Variants in NPLOC4 observed in about 807,000 individuals in gnomAD.
NPLOC4 encodes nuclear protein localization protein 4 homolog.
A neutral mutation model predicts 80.6 loss-of-function variants in NPLOC4; 18 were observed. That is an observed-to-expected ratio of 0.22 (90% confidence interval 0.15 to 0.33). The LOEUF (loss-of-function observed/expected upper bound fraction) is 0.33. Ranked by LOEUF, NPLOC4 falls within the 10% of genes least tolerant of loss-of-function variation. The pLI is 1.00. For missense variants in NPLOC4, 540 were observed against 786.1 expected (o/e 0.69, Z 3.74); for synonymous variants, 313 against 301.5 (o/e 1.04, Z -0.39).
At chr17:81,591,853 T>G (rs1324372200) in intron 11 of NPLOC4, among the ~76,000 whole-genome samples, 1 of 152,202 alleles carries the variant, frequency 6.6e-6, no homozygotes, top group Non-Finnish European at 1.5e-5. Flanking sequence ...CTGAATGCAT[T>G]TCTGGTTTTT....
At chr17:81,559,497 A>G in intron 16 of NPLOC4, 81 bp from the exon 17 acceptor site, 2 of 1,459,820 alleles carry the variant, frequency 1.4e-6, no homozygotes, top group East Asian at 2.5e-5. Context: ...GGGCAGGGGC[A>G]GGCAGCTGAG....
At chr17:81,626,760 T>G (rs2035806191) in intron 2 of NPLOC4, among the ~76,000 whole-genome samples, 1 of 152,100 alleles carries the variant, frequency 6.6e-6, no homozygotes, top group Admixed American at 6.6e-5. Flanking sequence ...ACTTTGCCAG[T>G]GCACTCCAAC....
At chr17:81,563,835 T>C (rs2033924802) in intron 16 of NPLOC4, 5 of 434,448 alleles carry the variant, frequency 1.2e-5, no homozygotes, top group South Asian at 8.2e-5. Context: ...AAGGCCATTA[T>C]TCTAAGCAAA....
At position 81,559,028 on chromosome 17, in the gene NPLOC4, G is replaced by A. The variant is rs370512436; in HGVS notation, c.*231C>T. The A allele has an allele frequency of 3.4e-4, 181 of 531,244 alleles. No individual in the cohort carries two copies. The highest frequency in any genetic ancestry group is 3.6e-4 in the Non-Finnish European group (109 of 299,852). 32.9% of individuals were successfully genotyped at this position (531,244 alleles called of 1,614,324 possible). ...GATTAGGCGTGAGGAGCCGCTCTGC[G>A]TTTCCAGTCTGGAGACTGCATTCAG... On this transcript the variant is annotated 3_prime_UTR_variant, in exon 17 of 17. Coordinates refer to ENST00000331134, the MANE Select transcript of NPLOC4 (RefSeq NM_017921.4).
chr17:81,565,333 C>T (rs1469427191), intron 16 of NPLOC4, 172 bp downstream of exon 16: 1 of 710,078 alleles, frequency 1.4e-6, no homozygotes, highest in African/African-American at 1.7e-5. Context: ...CCGGAGCCTG[C>T]CACGTGCCTG....
chr17:81,616,119 C>A (rs570169688), intron 3 of NPLOC4, among the ~76,000 whole-genome samples: 1 of 151,280 alleles, frequency 6.6e-6, no homozygotes, highest in Non-Finnish European at 1.5e-5. Flanking sequence ...GAGATTGAGA[C>A]CATCCTGGCC....
intron 1 of NPLOC4, 137 bp from the exon 2 acceptor site, chr17:81,629,942 C>T (rs1183018146): frequency 1.6e-6 from 1 of 640,064 alleles, no homozygotes; most frequent in African/African-American, 1.8e-5. Context: ...CTTTCAATAC[C>T]CAGCTCAATC....
chr17:81,575,504 T>C (rs1373838661), intron 12 of NPLOC4, among the ~76,000 whole-genome samples: 2 of 152,204 alleles, frequency 1.3e-5, no homozygotes, highest in Admixed American at 6.5e-5. Flanking sequence ...GGGCCAGCTG[T>C]GTGCACAGAG....
chr17:81,594,252 G>A (rs1263017593), intron 11 of NPLOC4, among the ~76,000 whole-genome samples: 2 of 118,710 alleles, frequency 1.7e-5, no homozygotes, highest in Admixed American at 1.1e-4. Context: ...TCCAGCCTGG[G>A]CGAAAGAGCG....
chr17:81,637,064 G>T lies in NPLOC4; in HGVS notation c.-134C>A. ...CCGCCGCCACCGCCGCTCCAGCTTC[G>T]CCCGCCCGGCTCCGCCAGCCGCCGA... On this transcript the variant is annotated 5_prime_UTR_variant, in exon 1 of 17. Coordinates refer to ENST00000331134, the MANE Select transcript of NPLOC4 (RefSeq NM_017921.4). 4.6e-6 allele frequency: 2 copies of T among 432,084 alleles called. No homozygotes were observed. The highest frequency in any genetic ancestry group is 7.2e-6 in the Non-Finnish European group (2 of 278,220). 26.8% of individuals were successfully genotyped at this position (432,084 alleles called of 1,614,324 possible). A position where few individuals can be genotyped will look rare whatever the true frequency, so the allele number is the denominator to read the frequency against.
intron 12 of NPLOC4, among the ~76,000 whole-genome samples, chr17:81,575,131 G>A (rs1221987560): frequency 2.0e-5 from 3 of 152,060 alleles, no homozygotes; most frequent in Admixed American, 1.3e-4. Context: ...AGGGAGTCTC[G>A]CTCTGTCGCC....
chr17:81,626,669 C>T (rs1281890771), intron 2 of NPLOC4, among the ~76,000 whole-genome samples: 1 of 152,064 alleles, frequency 6.6e-6, no homozygotes, highest in Non-Finnish European at 1.5e-5. Flanking sequence ...CCCATCTCTA[C>T]CAAAAAATTA....
chr17:81,631,451 T>A (rs879410428), intron 1 of NPLOC4, among the ~76,000 whole-genome samples: 15,681 of 114,132 alleles, frequency 0.14, 1,500 homozygotes, highest in East Asian at 0.27. Flanking sequence ...TTTTTTTTTT[T>A]TTTTTTTTTT....
At chr17:81,570,292 C>T (rs867155251) in intron 13 of NPLOC4, among the ~76,000 whole-genome samples, 3 of 152,214 alleles carry the variant, frequency 2.0e-5, no homozygotes, top group Non-Finnish European at 2.9e-5. Context: ...TGAAGATGAT[C>T]GGAGTACTCG....
At chr17:81,579,845 A>G (rs1037770634) in intron 12 of NPLOC4, among the ~76,000 whole-genome samples, 1 of 151,858 alleles carries the variant, frequency 6.6e-6, no homozygotes, top group African/African-American at 2.4e-5. Context: ...CCCCCGAAAG[A>G]GTCATGCAGC....
chr17:81,619,631 C>T (rs961879395), intron 3 of NPLOC4, among the ~76,000 whole-genome samples: 1 of 151,356 alleles, frequency 6.6e-6, no homozygotes, highest in Non-Finnish European at 1.5e-5. Context: ...GTAATGCCAA[C>T]ACTTTGGGAG....
rs879678650 is a variant in NPLOC4 at position 81,605,647 on chromosome 17, C to CAA, written c.655-922_655-921dup. On this transcript the variant is annotated intron_variant, in intron 7 of 16. Transcript: ENST00000331134. ...TGGGCTACGGAGTGAGACTCTGTCT[C>CAA]AAAAAAAAAAAAAAATGCTCTGCCC... Among the ~76,000 whole-genome samples the CAA allele has an allele frequency of 2.4e-3, 306 of 128,132 alleles. 3 individuals carry two copies. Among genetic ancestry groups the CAA allele is most frequent in the African/African-American group, 7.9e-3 (273 of 34,400 alleles). The allele number at this position is 128,132 out of a possible 152,430, so 84.1% of individuals were successfully genotyped here.
intron 12 of NPLOC4, among the ~76,000 whole-genome samples, chr17:81,574,851 A>G (rs964997176): frequency 6.6e-6 from 1 of 151,094 alleles, no homozygotes; most frequent in Non-Finnish European, 1.5e-5. Context: ...CCGTCTCTAC[A>G]AGACTGTCTC....
intron 11 of NPLOC4, among the ~76,000 whole-genome samples, chr17:81,595,534 A>ATTTTTT (rs113450373): frequency 1.4e-5 from 2 of 139,646 alleles, no homozygotes; most frequent in Non-Finnish European, 3.1e-5. Flanking sequence ...ATATATATAT[A>ATTTTTT]TTTTTTTTTT....
Sources: gnomAD v4.1 joint callset for allele counts (sites outside exome capture counted in the v4.1 genomes callset) on GRCh38, gnomAD v4.1.1 for gene constraint, MANE v1.5 for transcripts, NCBI Gene and HGNC (gene_info 2026-07-23, HGNC 2026-07-21) for gene names.